The following ERBB4 variants were observed in gnomAD, a reference collection of about 807,000 sequenced individuals.
ERBB4 encodes erb-b2 receptor tyrosine kinase 4, also known as receptor tyrosine-protein kinase erbB-4.
A neutral mutation model predicts 158.0 loss-of-function variants in ERBB4; 42 were observed. That is an observed-to-expected ratio of 0.27 (90% CI 0.21 to 0.34). The LOEUF (loss-of-function observed/expected upper bound fraction) is 0.34, where lower values mean the gene tolerates loss of function less well. Among genes scored for constraint, ERBB4 ranks in the 10% least tolerant of loss-of-function variants. The pLI is 1.00. For synonymous variants in ERBB4, 583 were observed against 558.7 expected (o/e 1.04, Z -0.61); for missense variants, 1,333 against 1,624.1 (o/e 0.82, Z 3.08).
At chr2:211,466,311 A>G (rs1323877528) in intron 20 of ERBB4, among the ~76,000 whole-genome samples, 2 of 149,402 alleles carry the variant, frequency 1.3e-5, no homozygotes, top group African/African-American at 2.5e-5. Flanking sequence ...AGTAAGTAAC[A>G]TGCTTTCATC....
At chr2:211,786,350 T>C (rs2076164296) in intron 4 of ERBB4, among the ~76,000 whole-genome samples, 1 of 152,228 alleles carries the variant, frequency 6.6e-6, no homozygotes, top group South Asian at 2.1e-4. Flanking sequence ...TATGGTGTCA[T>C]GCAGTACATA....
At chr2:212,280,313 C>T (rs940488960) in intron 1 of ERBB4, among the ~76,000 whole-genome samples, 6 of 151,478 alleles carry the variant, frequency 4.0e-5, no homozygotes, top group African/African-American at 1.5e-4. Flanking sequence ...ACATGAAAAT[C>T]CATTATTTAA....
At position 211,887,253 on chromosome 2, in the gene ERBB4, T is replaced by TACACAC. The variant is rs112197898; in HGVS notation, c.421+60171_421+60176dup. Among the ~76,000 whole-genome samples the TACACAC allele has an allele frequency of 6.1e-3, 889 of 145,394 alleles. 9 individuals are homozygous for TACACAC. The highest frequency in any genetic ancestry group is 0.021 in the African/African-American group (817 of 39,820). ...ACAGAGTTGAAAGATAACAGAGGAT[T>TACACAC]ACACACACACACACACACACACACA... On this transcript the variant is annotated intron_variant, in intron 3 of 27. Transcript: ENST00000342788.
At chr2:211,637,783 A>G (rs16846637) in intron 16 of ERBB4, among the ~76,000 whole-genome samples, 2,315 of 152,142 alleles carry the variant, frequency 0.015, 48 homozygotes, top group African/African-American at 0.051. Flanking sequence ...GATAACATCA[A>G]ATATAAATAG....
Position 211,382,940 on chromosome 2 carries a change from G to A in ERBB4, c.*675C>T, listed in dbSNP as rs183072498. On this transcript the variant is annotated 3_prime_UTR_variant, in exon 28 of 28. Transcript: ENST00000342788. ...CCAAAAATAGGGGAGCAAATATAAA[G>A]GAATCGGTCAGAGCAAAACAAAATG... 2.7e-4 allele frequency: 62 copies of A among 232,530 alleles called. No individual in the cohort carries two copies. In the East Asian group the frequency reaches 3.5e-3, roughly 13 times the overall value. 14.4% of individuals were successfully genotyped at this position (232,530 alleles called of 1,614,324 possible).
chr2:212,177,557 C>A (rs2081710619), intron 1 of ERBB4, among the ~76,000 whole-genome samples: 1 of 151,882 alleles, frequency 6.6e-6, no homozygotes, highest in South Asian at 2.1e-4. Context: ...CCCCTACTCT[C>A]TACTCCTTTT....
chr2:212,388,957 A>T (rs1324053040), intron 1 of ERBB4, among the ~76,000 whole-genome samples: 3 of 152,182 alleles, frequency 2.0e-5, no homozygotes, highest in Non-Finnish European at 4.4e-5. Context: ...TCTAAATATA[A>T]TTCAACTTAT....
At chr2:212,055,347 C>G (rs1033462594) in intron 2 of ERBB4, among the ~76,000 whole-genome samples, 1 of 152,222 alleles carries the variant, frequency 6.6e-6, no homozygotes, top group East Asian at 1.9e-4. Flanking sequence ...GGCCTCCGTG[C>G]TTCTGTAGAC....
rs1320464145 is a variant in ERBB4 at position 211,383,560 on chromosome 2, G to T, written c.*55C>A. ...AGGAAGACCACCAGAGAAAGAGAGG[G>T]GGGTGGGGAAATTGGAGCAGGTGTG... On this transcript the variant is annotated 3_prime_UTR_variant, in exon 28 of 28. Coordinates refer to ENST00000342788, the MANE Select transcript of ERBB4 (RefSeq NM_005235.3). The T allele has an allele frequency of 3.5e-6, 5 of 1,432,398 alleles. No individual in the cohort carries two copies. The highest frequency in any genetic ancestry group is 2.8e-5 in the African/African-American group (2 of 71,216). 88.7% of individuals were successfully genotyped at this position (1,432,398 alleles called of 1,614,324 possible).
intron 2 of ERBB4, among the ~76,000 whole-genome samples, chr2:212,076,980 A>G (rs773226240): frequency 2.6e-5 from 4 of 152,132 alleles, no homozygotes; most frequent in Non-Finnish European, 4.4e-5. Flanking sequence ...AAAACTGTGC[A>G]AGAGATTTGA....
chr2:211,689,261 A>G (rs551091050), intron 12 of ERBB4, among the ~76,000 whole-genome samples: 1 of 152,042 alleles, frequency 6.6e-6, no homozygotes, highest in Admixed American at 6.6e-5. Flanking sequence ...GTGGTGTGAT[A>G]TGGGCTCACT....
chr2:211,655,373 A>G (rs1321959703), intron 16 of ERBB4, among the ~76,000 whole-genome samples: 1 of 152,182 alleles, frequency 6.6e-6, no homozygotes, highest in Non-Finnish European at 1.5e-5. Flanking sequence ...ACACTTATTG[A>G]GTGATTTCTA....
intron 7 of ERBB4, among the ~76,000 whole-genome samples, chr2:211,719,449 G>GTTGT (rs57393317): frequency 1.3e-5 from 2 of 151,846 alleles, no homozygotes; most frequent in African/African-American, 4.8e-5. Flanking sequence ...TGTGTCTTTA[G>GTTGT]TACTGTGTTC....
rs772305139 is a variant in ERBB4, at chr2:211,383,984, G to A, written c.3558C>T (p.Pro1186=). The A allele has an allele frequency of 2.9e-5, 46 of 1,613,506 alleles. No homozygotes were observed. The highest frequency in any genetic ancestry group is 1.4e-4 in the South Asian group (13 of 91,070). ...GACCATTGGATGCATTGTGATATTC[G>A]GGATTATCCAATGCTTGAAGGTCTC... ...KNGDLQALDN[P]EYHNASNGPP... The change falls in exon 28 of 28, where the codon CCC becomes CCT. Residue 1186 remains proline, a synonymous_variant. Transcript: ENST00000342788.
intron 1 of ERBB4, among the ~76,000 whole-genome samples, chr2:212,419,881 G>T (rs766663288): frequency 1.6e-4 from 24 of 151,672 alleles, no homozygotes; most frequent in Non-Finnish European, 2.2e-4. Flanking sequence ...TATCAGCTCT[G>T]GTAGATGATA....
At chr2:211,917,441 C>T (rs79365437) in intron 3 of ERBB4, among the ~76,000 whole-genome samples, 1,592 of 152,144 alleles carry the variant, frequency 0.01, 27 homozygotes, top group African/African-American at 0.036. Context: ...GTTAGAGATT[C>T]CCTATATTAA....
intron 20 of ERBB4, among the ~76,000 whole-genome samples, chr2:211,473,456 C>T (rs1413947586): frequency 1.3e-5 from 2 of 152,056 alleles, no homozygotes; most frequent in Admixed American, 6.6e-5. Context: ...AAAATTAGAA[C>T]ACAGGAAAAT....
chr2:212,375,152 C>T (rs1024221299), intron 1 of ERBB4, among the ~76,000 whole-genome samples: 3 of 151,916 alleles, frequency 2.0e-5, no homozygotes, highest in Non-Finnish European at 4.4e-5. Context: ...TAATAGAACA[C>T]ATAACCAAGC....
At chr2:212,132,768 A>C (rs982581450) in intron 1 of ERBB4, among the ~76,000 whole-genome samples, 15 of 151,992 alleles carry the variant, frequency 9.9e-5, no homozygotes, top group African/African-American at 3.6e-4. Context: ...ATTTTAAATA[A>C]ATCTCTATGT....
Sources: gnomAD v4.1 joint callset for allele counts (sites outside exome capture counted in the v4.1 genomes callset) on GRCh38, gnomAD v4.1.1 for gene constraint, MANE v1.5 for transcripts, NCBI Gene and HGNC (gene_info 2026-07-23, HGNC 2026-07-21) for gene names.